The following SLC38A9 variants were observed in gnomAD, a reference collection of about 807,000 sequenced individuals.
SLC38A9 encodes neutral amino acid transporter 9.
SLC38A9 carries 48 observed loss-of-function variants against 62.3 expected under a neutral mutation model. The ratio of observed to expected loss-of-function variants is 0.77; its 90% CI spans 0.61 to 0.98. The LOEUF is 0.98. SLC38A9 is among the 50% of genes least tolerant of loss of function. The pLI is 0.00. For missense variants in SLC38A9, 541 were observed against 679.8 expected, an observed-to-expected ratio of 0.80 and a Z score of 2.27; for synonymous variants, 204 against 227.7, an observed-to-expected ratio of 0.90 and a Z score of 0.94.
chr5:55,654,050 G>A (rs75746559), intron 9 of SLC38A9, among the ~76,000 whole-genome samples: 6,405 of 152,172 alleles, frequency 0.042, 216 homozygotes, highest in African/African-American at 0.091. Context: ...TAATGTCACA[G>A]TAGAGCTTTT....
intron 3 of SLC38A9, among the ~76,000 whole-genome samples, chr5:55,685,996 G>C (rs1580348663): frequency 6.6e-6 from 1 of 152,084 alleles, no homozygotes; most frequent in East Asian, 1.9e-4. Context: ...GCATTGAATG[G>C]TGTATGCATT....
chr5:55,629,035 A>G (rs936883814), intron 14 of SLC38A9, among the ~76,000 whole-genome samples: 1 of 151,096 alleles, frequency 6.6e-6, no homozygotes, highest in Non-Finnish European at 1.5e-5. Context: ...AATTAGAAAG[A>G]TATTAGGGCT....
In SLC38A9 at chr5:55,664,768, A is replaced by G. The variant is rs138999505; in HGVS notation, c.622T>C (p.Ser208Pro). ...QWSSLLFSLV[S>P]LIGAMIVYWV... ...TAAACTATCATTGCTCCAATGAGAG[A>G]CACCAAGGAGAAAAGGAGACTCGAC... Residue 208 changes from serine (S) to proline (P), a missense_variant, in exon 8 of 16, where the codon TCT becomes CCT. Physicochemically the swap from Ser to Pro is moderately conservative, Grantham distance 74 (BLOSUM62 -1). Transcript: ENST00000396865. 308 of 1,598,248 alleles carry G rather than the reference A, an allele frequency of 1.9e-4. No individual in the cohort carries two copies. Among genetic ancestry groups the G allele is most frequent in the Admixed American group, 2.5e-4 (14 of 56,550 alleles).
At chr5:55,652,377 A>AAAAAT in intron 10 of SLC38A9, 152 bp downstream of exon 10, 3 of 413,174 alleles carry the variant, frequency 7.3e-6, no homozygotes, top group Non-Finnish European at 1.2e-5. Context: ...AAAAAAAAAA[A>AAAAAT]GAAAGAAAGA....
At chr5:55,688,895 G>A (rs1172229923) in intron 3 of SLC38A9, among the ~76,000 whole-genome samples, 5 of 151,982 alleles carry the variant, frequency 3.3e-5, no homozygotes, top group Admixed American at 2.0e-4. Flanking sequence ...TAATAAAGAA[G>A]GCCAATGCTT....
chr5:55,699,528 C>G lies in SLC38A9; in HGVS notation c.-34-1536G>C, dbSNP rs184254062. Among the ~76,000 whole-genome samples, 15 of 152,196 alleles carry G rather than the reference C, an allele frequency of 9.9e-5. No individual in the cohort carries two copies. The East Asian group carries it at 1.9e-3, about 20-fold the overall frequency. On this transcript the variant is annotated intron_variant, in intron 2 of 15. Transcript: ENST00000396865. Reference sequence around the variant, plus strand: ...AAACAGTGAGTCAAAAATAACCTAGCATATGAGGAAATAAAGTACTATGAG... The same window carrying G: ...AAACAGTGAGTCAAAAATAACCTAGGATATGAGGAAATAAAGTACTATGAG...
intron 12 of SLC38A9, among the ~76,000 whole-genome samples, chr5:55,643,995 C>T (rs1207793121): frequency 6.6e-6 from 1 of 152,160 alleles, no homozygotes; most frequent in Non-Finnish European, 1.5e-5. Context: ...GAGTGTTGCT[C>T]TGTTGCTCAG....
At chr5:55,688,433 G>A (rs1377448390) in intron 3 of SLC38A9, among the ~76,000 whole-genome samples, 1 of 147,184 alleles carries the variant, frequency 6.8e-6, no homozygotes, top group African/African-American at 2.5e-5. Flanking sequence ...AGGCTGGAGT[G>A]CAGTGGCCCG....
intron 14 of SLC38A9, among the ~76,000 whole-genome samples, chr5:55,631,933 G>C (rs983879771): frequency 7.3e-5 from 11 of 150,914 alleles, no homozygotes; most frequent in African/African-American, 2.2e-4. Context: ...ACTCTGAAAT[G>C]ACATATAGAA....
At chr5:55,660,524 T>A (rs1347493546) in intron 8 of SLC38A9, among the ~76,000 whole-genome samples, 1 of 152,240 alleles carries the variant, frequency 6.6e-6, no homozygotes, top group Non-Finnish European at 1.5e-5. Flanking sequence ...ATGTTCTATT[T>A]CTTGAAGGAG....
At chr5:55,645,384 G>A (rs1412507952) in intron 12 of SLC38A9, among the ~76,000 whole-genome samples, 3 of 152,152 alleles carry the variant, frequency 2.0e-5, no homozygotes, top group Non-Finnish European at 4.4e-5. Context: ...CACCATTAAT[G>A]GCTTATTAGC....
In SLC38A9 at chr5:55,649,222, C is replaced by T. The variant is rs771145523; in HGVS notation, c.1045G>A (p.Glu349Lys). 1.3e-6 allele frequency: 2 copies of T among 1,589,982 alleles called. No homozygotes were observed. Among genetic ancestry groups the T allele is most frequent in the Non-Finnish European group, 1.7e-6 (2 of 1,170,172 alleles). ...HLEFHWFIPT[E>K]FFVPEIRFQF... The stretch of plus-strand genomic sequence containing the variant: ...AAAAGCTCACCTGGTACAAAAAATT[C>T]TGTTGGTATAAACCAATGAAATTCC... The change falls in exon 11 of 16, where the codon GAA becomes AAA. Residue 349 changes from glutamate (E) to lysine (K), a missense_variant. Physicochemically the swap from Glu to Lys is moderately conservative, Grantham distance 56 (BLOSUM62 1). Coordinates refer to ENST00000396865, the MANE Select transcript of SLC38A9 (RefSeq NM_173514.4).
intron 8 of SLC38A9, among the ~76,000 whole-genome samples, chr5:55,662,450 T>C (rs1227424980): frequency 1.3e-5 from 2 of 152,038 alleles, no homozygotes; most frequent in Non-Finnish European, 2.9e-5. Flanking sequence ...GGTGGGCGGA[T>C]CACGACGTCA....
Position 55,626,614 on chromosome 5 carries a change from T to A in SLC38A9, c.1566A>T (p.Pro522=), listed in dbSNP as rs757548235. 3.1e-6 allele frequency: 5 copies of A among 1,613,568 alleles called. No individual in the cohort carries two copies. In the South Asian group the frequency reaches 3.3e-5, roughly 11 times the overall value. The change falls in exon 16 of 16, where the codon CCA becomes CCT. Residue 522 remains proline, a synonymous_variant. Coordinates refer to ENST00000396865, the MANE Select transcript of SLC38A9 (RefSeq NM_173514.4). ...ACGLAFVFIY[P]SLIYIISLHQ... is the part of the protein sequence containing the mutation. ...GGAGGGAAATTATATAGATGAGAGA[T>A]GGGTATATGAATACAAAGGCCAGTC...
chr5:55,705,738 C>T (rs987020839), intron 2 of SLC38A9, among the ~76,000 whole-genome samples: 4 of 149,656 alleles, frequency 2.7e-5, no homozygotes, highest in East Asian at 2.0e-4. Context: ...GACGGAGTCT[C>T]GCTCTGTCAC....
chr5:55,645,943 T>C (rs751880476), intron 11 of SLC38A9, 48 bp from the exon 12 acceptor site: 2 of 1,278,510 alleles, frequency 1.6e-6, no homozygotes, highest in South Asian at 2.6e-5. Flanking sequence ...AATTAGAAAA[T>C]GAGTATTGGT....
intron 7 of SLC38A9, among the ~76,000 whole-genome samples, chr5:55,666,802 T>G (rs953676489): frequency 1.3e-3 from 183 of 140,704 alleles, no homozygotes; most frequent in Non-Finnish European, 8.0e-4. Flanking sequence ...CCGAGGCGGA[T>G]GGATCACGAA....
At chr5:55,695,129 T>C (rs1044169860) in intron 3 of SLC38A9, among the ~76,000 whole-genome samples, 1 of 125,530 alleles carries the variant, frequency 8.0e-6, no homozygotes, top group African/African-American at 2.8e-5. Flanking sequence ...TGGGCAGCAG[T>C]TTTTCTTAGT....
intron 3 of SLC38A9, among the ~76,000 whole-genome samples, chr5:55,686,595 T>C (rs1472536577): frequency 6.6e-6 from 1 of 152,018 alleles, no homozygotes; most frequent in Non-Finnish European, 1.5e-5. Flanking sequence ...TGATAGTTTC[T>C]TTTGCCGTGC....
Sources: gnomAD v4.1 joint callset for allele counts (sites outside exome capture counted in the v4.1 genomes callset) on GRCh38, gnomAD v4.1.1 for gene constraint, MANE v1.5 for transcripts, NCBI Gene and HGNC (gene_info 2026-07-23, HGNC 2026-07-21) for gene names.